Variants in EPHA3 observed in about 807,000 individuals in gnomAD.
EPHA3 encodes the protein EPH receptor A3.
EPHA3 carries 42 observed loss-of-function variants against 107.1 expected under a neutral mutation model. The ratio of observed to expected loss-of-function variants is 0.39; its 90% confidence interval spans 0.31 to 0.51. The LOEUF (loss-of-function observed/expected upper bound fraction) is 0.51. Ranked by LOEUF, EPHA3 falls within the 20% of genes least tolerant of loss-of-function variation. The pLI is 0.78. For synonymous variants in EPHA3, 461 were observed against 424.8 expected, an observed-to-expected ratio of 1.09 and a Z score of -1.05; for missense variants, 1,183 against 1,211.2, an observed-to-expected ratio of 0.98 and a Z score of 0.35.
At chr3:89,327,795 A>G (rs1707198140) in intron 3 of EPHA3, among the ~76,000 whole-genome samples, 1 of 151,968 alleles carries the variant, frequency 6.6e-6, no homozygotes. Context: ...GTACGGACAC[A>G]TAGTAGGGCG....
chr3:89,455,985 G>A lies in EPHA3; in HGVS notation c.2690+5615G>A, dbSNP rs183329423. 2.2e-3 allele frequency among the ~76,000 whole-genome samples: 336 copies of A among 152,160 alleles called. 2 individuals are homozygous for A. The highest frequency in any genetic ancestry group is 7.6e-3 in the African/African-American group (315 of 41,500). On this transcript the variant is annotated intron_variant, in intron 15 of 16. Transcript: ENST00000336596. The stretch of plus-strand genomic sequence containing the variant: ...TGAGAGCACACACCATGCTTCTCTC[G>A]TATTACCAGTGCAGATTGATAATGG...
intron 3 of EPHA3, among the ~76,000 whole-genome samples, chr3:89,211,938 G>T (rs1016162179): frequency 6.6e-6 from 1 of 151,570 alleles, no homozygotes; most frequent in Admixed American, 6.6e-5. Flanking sequence ...AATAAAGGAG[G>T]GTAGAAAGAA....
intron 2 of EPHA3, among the ~76,000 whole-genome samples, chr3:89,149,234 T>C (rs1441455666): frequency 1.3e-5 from 2 of 152,174 alleles, no homozygotes; most frequent in African/African-American, 4.8e-5. Flanking sequence ...TTTCTTAGTC[T>C]ATAAATATTT....
intron 3 of EPHA3, among the ~76,000 whole-genome samples, chr3:89,253,807 A>G (rs576936696): frequency 3.8e-5 from 5 of 130,128 alleles, no homozygotes; most frequent in Admixed American, 2.2e-4. Context: ...TATATGAAAT[A>G]GAAAAAATAA....
chr3:89,204,493 C>T (rs1706051886), intron 2 of EPHA3, among the ~76,000 whole-genome samples: 1 of 125,056 alleles, frequency 8.0e-6, no homozygotes, highest in Non-Finnish European at 1.8e-5. Context: ...CACACACACA[C>T]ACACACACAC....
chr3:89,401,939 G>T (rs1708972304), intron 7 of EPHA3, among the ~76,000 whole-genome samples: 1 of 152,072 alleles, frequency 6.6e-6, no homozygotes, highest in African/African-American at 2.4e-5. Context: ...GATTTATCAG[G>T]AGAGATCCGA....
intron 3 of EPHA3, among the ~76,000 whole-genome samples, chr3:89,241,028 T>G (rs1704882164): frequency 6.6e-6 from 1 of 152,100 alleles, no homozygotes; most frequent in South Asian, 2.1e-4. Context: ...AAAATTTTTT[T>G]TTTCATTTAC....
chr3:89,300,722 C>T (rs1441174073), intron 3 of EPHA3, among the ~76,000 whole-genome samples: 1 of 152,028 alleles, frequency 6.6e-6, no homozygotes. Flanking sequence ...CGGCTCTGTA[C>T]TCCAAGATAT....
chr3:89,467,028 C>G (rs1710292823), intron 15 of EPHA3, among the ~76,000 whole-genome samples: 1 of 151,978 alleles, frequency 6.6e-6, no homozygotes, highest in Non-Finnish European at 1.5e-5. Context: ...GTACTAGGTT[C>G]CTGTTGGGAA....
At chr3:89,250,552 G>A (rs1449989375) in intron 3 of EPHA3, among the ~76,000 whole-genome samples, 1 of 151,906 alleles carries the variant, frequency 6.6e-6, no homozygotes, top group African/African-American at 2.4e-5. Flanking sequence ...CTTAAACTTG[G>A]TTATCCAGAA....
At chr3:89,193,206 G>T (rs1705759577) in intron 2 of EPHA3, among the ~76,000 whole-genome samples, 2 of 151,950 alleles carry the variant, frequency 1.3e-5, no homozygotes, top group African/African-American at 4.8e-5. Flanking sequence ...CCAAAAAAAT[G>T]GTTAATCTGT....
At chr3:89,252,981 C>A (rs1705198404) in intron 3 of EPHA3, among the ~76,000 whole-genome samples, 1 of 151,858 alleles carries the variant, frequency 6.6e-6, no homozygotes, top group South Asian at 2.1e-4. Context: ...ACTTGCTTTA[C>A]TTCTCTCTGC....
Position 89,386,344 on chromosome 3 carries a change from G to A in EPHA3, c.1307-9493G>A, listed in dbSNP as rs568611362. ...GTCCAAGGACCCCCTGCTGTGTGCA[G>A]CATTGAGACTTGTTGTCCTGTGTCC... On this transcript the variant is annotated intron_variant, in intron 5 of 16. Transcript: ENST00000336596. 3.3e-5 allele frequency among the ~76,000 whole-genome samples: 5 copies of A among 152,308 alleles called. No individual in the cohort carries two copies. In the East Asian group the frequency reaches 5.8e-4, roughly 18 times the overall value.
At chr3:89,323,465 C>G (rs1707089996) in intron 3 of EPHA3, among the ~76,000 whole-genome samples, 1 of 152,166 alleles carries the variant, frequency 6.6e-6, no homozygotes, top group Non-Finnish European at 1.5e-5. Flanking sequence ...ATAATATCTC[C>G]TATTGATTTA....
In EPHA3 at chr3:89,375,549, A is replaced by T. The variant is rs1175740860; in HGVS notation, c.1307-20288A>T. Among the ~76,000 whole-genome samples, 3 of 151,594 alleles carry T rather than the reference A, an allele frequency of 2.0e-5. No homozygotes were observed. The East Asian group carries it at 5.8e-4, about 29-fold the overall frequency. On this transcript the variant is annotated intron_variant, in intron 5 of 16. Transcript: ENST00000336596. The stretch of plus-strand genomic sequence containing the variant: ...CCACACTAGATAAGAGGAAGCTGGG[A>T]TATTTATACATGAACTCTTCATCAG...
At chr3:89,329,087 A>G (rs1413510050) in intron 3 of EPHA3, among the ~76,000 whole-genome samples, 1 of 152,172 alleles carries the variant, frequency 6.6e-6, no homozygotes, top group Non-Finnish European at 1.5e-5. Flanking sequence ...CTGAATGAGT[A>G]TCTCAAGGCA....
intron 3 of EPHA3, among the ~76,000 whole-genome samples, chr3:89,257,336 G>A (rs778323026): frequency 6.6e-6 from 1 of 152,082 alleles, no homozygotes; most frequent in Non-Finnish European, 1.5e-5. Context: ...ATTCAGTCAC[G>A]TTTAGGTCTG....
At chr3:89,175,018 A>G (rs937815967) in intron 2 of EPHA3, among the ~76,000 whole-genome samples, 4 of 151,920 alleles carry the variant, frequency 2.6e-5, no homozygotes, top group South Asian at 2.1e-4. Context: ...TGTTAAACTA[A>G]GCTTCAAAAA....
rs567563022 is a variant in EPHA3, at chr3:89,174,248, T to G, written c.154-35612T>G. Among the ~76,000 whole-genome samples the G allele has an allele frequency of 1.2e-4, 18 of 152,182 alleles. No individual in the cohort carries two copies. The South Asian group carries it at 3.3e-3, about 28-fold the overall frequency. On this transcript the variant is annotated intron_variant, in intron 2 of 16. Transcript: ENST00000336596. Reference sequence around the variant, plus strand: ...TCCGTGATACTAGGTGTTCTCATACTTAGATAGTCTCATGTATTTGCATAG... The same window carrying G: ...TCCGTGATACTAGGTGTTCTCATACGTAGATAGTCTCATGTATTTGCATAG...
Sources: gnomAD v4.1 joint callset for allele counts (sites outside exome capture counted in the v4.1 genomes callset) on GRCh38, gnomAD v4.1.1 for gene constraint, MANE v1.5 for transcripts, NCBI Gene and HGNC (gene_info 2026-07-23, HGNC 2026-07-21) for gene names.